Variants in SLC22A11 observed in about 807,000 individuals in gnomAD.
SLC22A11 encodes the protein solute carrier family 22 member 11.
A neutral mutation model predicts 49.4 loss-of-function variants in SLC22A11; 42 were observed. The ratio of observed to expected loss-of-function variants is 0.85; its 90% confidence interval spans 0.66 to 1.10. SLC22A11 has a LOEUF of 1.10. Among genes scored for constraint, SLC22A11 ranks in the 50% least tolerant of loss-of-function variants. SLC22A11 has a pLI of 0.00. For missense variants in SLC22A11, 685 were observed against 731.6 expected, an observed-to-expected ratio of 0.94 and a Z score of 0.74; for synonymous variants, 304 against 315.8, an observed-to-expected ratio of 0.96 and a Z score of 0.40.
Position 64,564,415 on chromosome 11 carries a change from ACC to A in SLC22A11, c.930_931del (p.Leu311AspfsTer62), listed in dbSNP as rs766192840. 21 of 1,613,944 alleles carry A rather than the reference ACC, an allele frequency of 1.3e-5. No individual in the cohort carries two copies. The highest frequency in any genetic ancestry group is 1.7e-5 in the Non-Finnish European group (20 of 1,179,974). ...ATAAATGGCCACAAGGAGGCCAAGA[ACC>A]TGACCATAGAGGTGAGATGCTGCTG... On this transcript the variant is annotated frameshift_variant, in exon 5 of 10. Coordinates refer to ENST00000301891, the MANE Select transcript of SLC22A11 (RefSeq NM_018484.4). LOFTEE classifies it high-confidence loss of function. The surrounding 1 kb of genome is among the most constrained non-coding windows in gnomAD (Gnocchi z 4.2).
intron 4 of SLC22A11, among the ~76,000 whole-genome samples, chr11:64,563,324 C>T (rs149877614): frequency 2.0e-4 from 31 of 152,120 alleles, no homozygotes; most frequent in African/African-American, 6.3e-4. Flanking sequence ...AATGAAGGAC[C>T]GAGACCTAGA....
At chr11:64,557,725 G>A (rs12272361) in intron 1 of SLC22A11, among the ~76,000 whole-genome samples, 13,452 of 146,630 alleles carry the variant, frequency 0.092, 2,091 homozygotes, top group African/African-American at 0.32. Flanking sequence ...TCTAACTCCC[G>A]GCCTCCAATG....
chr11:64,569,436 G>A (rs1372006836), intron 8 of SLC22A11, among the ~76,000 whole-genome samples: 1 of 152,182 alleles, frequency 6.6e-6, no homozygotes, highest in Non-Finnish European at 1.5e-5. Flanking sequence ...AGTTGCCCAA[G>A]AGTGGGGAAA....
intron 9 of SLC22A11, 70 bp downstream of exon 9, chr11:64,569,928 C>A: frequency 6.8e-7 from 1 of 1,478,642 alleles, no homozygotes; most frequent in South Asian, 1.2e-5. Flanking sequence ...CAGGCCTGGG[C>A]TGCCCAGGGC....
Position 64,568,692 on chromosome 11 carries a change from CTT to C in SLC22A11, c.1298_1299del (p.Phe433CysfsTer21). ...PQDLQTLRVV[F>X]AVLGKGCFGI... ...CAGATTTGCAGACCCTGCGTGTGGT[CTT>C]TGCTGTGCTGGGAAAGGGATGTTTT... On this transcript the variant is annotated frameshift_variant, in exon 8 of 10. Coordinates refer to ENST00000301891, the MANE Select transcript of SLC22A11 (RefSeq NM_018484.4). LOFTEE classifies it high-confidence loss of function. The C allele has an allele frequency of 6.2e-7, 1 of 1,614,152 alleles. No individual in the cohort carries two copies. Among genetic ancestry groups the C allele is most frequent in the Non-Finnish European group, 8.5e-7 (1 of 1,180,008 alleles).
At position 64,568,777 on chromosome 11, in the gene SLC22A11, C is replaced by A; in HGVS notation, c.1381C>A (p.Arg461=). The change falls in exon 8 of 10, where the codon CGG becomes AGG. Residue 461 remains arginine (R), a splice_region_variant and synonymous_variant. Coordinates refer to ENST00000301891, the MANE Select transcript of SLC22A11 (RefSeq NM_018484.4). ...YKAELFPTPV[R]MTADGILHTV... Reference sequence around the variant, plus strand: ...GGCTGAACTCTTTCCAACGCCAGTGCGGTAAGCTGGGCTGCAGGCCATGCC... The same window carrying A: ...GGCTGAACTCTTTCCAACGCCAGTGAGGTAAGCTGGGCTGCAGGCCATGCC... The A allele has an allele frequency of 1.2e-6, 2 of 1,613,304 alleles. No homozygotes were observed. The highest frequency in any genetic ancestry group is 8.5e-7 in the Non-Finnish European group (1 of 1,179,292).
At chr11:64,563,610 T>TAAAAAAA (rs869085115) in intron 4 of SLC22A11, among the ~76,000 whole-genome samples, 7,335 of 43,774 alleles carry the variant, frequency 0.17, 1,715 homozygotes, top group Non-Finnish European at 0.21. Context: ...TTAAATGTGC[T>TAAAAAAA]AAAAAAAAAA....
intron 9 of SLC22A11, among the ~76,000 whole-genome samples, chr11:64,570,090 T>C (rs545660660): frequency 6.6e-6 from 1 of 152,374 alleles, no homozygotes; most frequent in East Asian, 1.9e-4. Flanking sequence ...AAAGTGATCA[T>C]ACCTCATGCA....
intron 1 of SLC22A11, among the ~76,000 whole-genome samples, chr11:64,556,932 C>T (rs2038470457): frequency 6.6e-6 from 1 of 152,188 alleles, no homozygotes; most frequent in African/African-American, 2.4e-5. Context: ...GGCTCAGGAA[C>T]CTGACTAAAG....
chr11:64,570,310 G>T (rs1160516228), intron 9 of SLC22A11, among the ~76,000 whole-genome samples: 1 of 152,266 alleles, frequency 6.6e-6, no homozygotes, highest in Non-Finnish European at 1.5e-5. Flanking sequence ...TCAGAGAACA[G>T]ATGGTGCCAT....
chr11:64,568,420 G>T (rs574207734), intron 7 of SLC22A11, among the ~76,000 whole-genome samples: 4 of 152,330 alleles, frequency 2.6e-5, no homozygotes, highest in African/African-American at 9.6e-5. Flanking sequence ...CAGCCTCCAC[G>T]GCCGGCCAGG....
Position 64,571,047 on chromosome 11 carries a change from T to C in SLC22A11, c.*5T>C, listed in dbSNP as rs2135428251. 1.9e-6 allele frequency: 3 copies of C among 1,614,192 alleles called. No individual in the cohort carries two copies. The highest frequency in any genetic ancestry group is 2.2e-5 in the East Asian group (1 of 44,884). On this transcript the variant is annotated 3_prime_UTR_variant, in exon 10 of 10. Coordinates refer to ENST00000301891, the MANE Select transcript of SLC22A11 (RefSeq NM_018484.4). ...GTGGAAAGTACCTCGCTCTAGAAAT[T>C]GTGCCTGCATGGAGCCCCTTTAGTC...
chr11:64,570,656 A>G (rs1353683005), intron 9 of SLC22A11, among the ~76,000 whole-genome samples: 4 of 152,172 alleles, frequency 2.6e-5, no homozygotes, highest in Non-Finnish European at 5.9e-5. Context: ...CACCTTATTT[A>G]ATCGATACAA....
Position 64,565,577 on chromosome 11 carries a change from C to G in SLC22A11, c.1058+240C>G. ...ATCTGCAGGAAGCCAGAGGAAAAGG[C>G]AGCTCTAGGCTGGGGGTCCCAGGGT... On this transcript the variant is annotated intron_variant, in intron 6 of 9. Coordinates refer to ENST00000301891, the MANE Select transcript of SLC22A11 (RefSeq NM_018484.4). This position sits in a 1 kb window ranked among gnomAD's most constrained non-coding sequence, Gnocchi z 4.1. 1 of 593,164 alleles carries G rather than the reference C, an allele frequency of 1.7e-6. No homozygotes were observed. Among genetic ancestry groups the G allele is most frequent in the South Asian group, 1.5e-5 (1 of 65,760 alleles). The allele number at this position is 593,164 out of a possible 1,614,324, so 36.7% of individuals were successfully genotyped here.
chr11:64,567,843 G>T (rs769047306), intron 7 of SLC22A11, 30 bp downstream of exon 7: 2 of 1,544,632 alleles, frequency 1.3e-6, no homozygotes, highest in Admixed American at 1.9e-5. Context: ...CGGTGGGACC[G>T]GGCCCTGCTT....
In SLC22A11 at chr11:64,571,216, C is replaced by T. The variant is rs2038699638; in HGVS notation, c.*174C>T. 4 of 642,958 alleles carry T rather than the reference C, an allele frequency of 6.2e-6. No individual in the cohort carries two copies. Among genetic ancestry groups the T allele is most frequent in the Non-Finnish European group, 1.1e-5 (4 of 367,514 alleles). 39.8% of individuals were successfully genotyped at this position (642,958 alleles called of 1,614,324 possible). On this transcript the variant is annotated 3_prime_UTR_variant, in exon 10 of 10. Coordinates refer to ENST00000301891, the MANE Select transcript of SLC22A11 (RefSeq NM_018484.4). Reference sequence around the variant, plus strand: ...GTCTGCTGTGGCTGAAGGCAGCTTCCACAGCTCACTCCTCTTCTCCCTGCC... The same window carrying T: ...GTCTGCTGTGGCTGAAGGCAGCTTCTACAGCTCACTCCTCTTCTCCCTGCC...
At chr11:64,563,554 A>T (rs1464692045) in intron 4 of SLC22A11, among the ~76,000 whole-genome samples, 1 of 145,000 alleles carries the variant, frequency 6.9e-6, no homozygotes, top group Non-Finnish European at 1.5e-5. Context: ...GGTTGGGGAG[A>T]AATAGACTGG....
chr11:64,563,610 T>TAAA lies in SLC22A11; in HGVS notation c.822-672_822-670dup, dbSNP rs869085115. Among the ~76,000 whole-genome samples the TAAA allele has an allele frequency of 6.2e-4, 27 of 43,856 alleles. 2 individuals are homozygous for TAAA. Among genetic ancestry groups the TAAA allele is most frequent in the African/African-American group, 1.9e-3 (18 of 9,358 alleles). The allele number at this position is 43,856 out of a possible 152,430, so 28.8% of individuals were successfully genotyped here. The stretch of plus-strand genomic sequence containing the variant: ...CTGCCTGGGGATATTTTAAATGTGC[T>TAAA]AAAAAAAAAAAAAAAAAAAAAAAAA... On this transcript the variant is annotated intron_variant, in intron 4 of 9. Coordinates refer to ENST00000301891, the MANE Select transcript of SLC22A11 (RefSeq NM_018484.4).
intron 2 of SLC22A11, 141 bp from the exon 3 acceptor site, chr11:64,561,863 C>A (rs2135421903): frequency 1.1e-6 from 1 of 928,760 alleles, no homozygotes; most frequent in Non-Finnish European, 1.6e-6. Flanking sequence ...TCTGAGTGTA[C>A]CCCTAAAAGT....
Sources: gnomAD v4.1 joint callset for allele counts (sites outside exome capture counted in the v4.1 genomes callset) on GRCh38, gnomAD v4.1.1 for gene constraint, Gnocchi (gnomAD v3.1) non-coding constraint, MANE v1.5 for transcripts, NCBI Gene and HGNC (gene_info 2026-07-23, HGNC 2026-07-21) for gene names.